SLC25A3: variants seen among roughly 807,000 people sequenced by gnomAD.
SLC25A3 encodes phosphate transport protein.
In SLC25A3, 14 loss-of-function variants were observed where a neutral mutation model predicts 37.1. The ratio of observed to expected loss-of-function variants is 0.38; its 90% CI spans 0.25 to 0.59. The LOEUF (loss-of-function observed/expected upper bound fraction) is 0.59. Among genes scored for constraint, SLC25A3 ranks in the 20% least tolerant of loss-of-function variants. The pLI is 0.67. For missense variants in SLC25A3, 385 were observed against 458.1 expected (o/e 0.84, Z 1.46); for synonymous variants, 161 against 168.7 (o/e 0.95, Z 0.36).
At chr12:98,594,185 C>T (rs878929387) in intron 2 of SLC25A3, 50 bp downstream of exon 2, 6 of 1,487,866 alleles carry the variant, frequency 4.0e-6, no homozygotes, top group South Asian at 2.3e-5. Context: ...TTGTGGGCCG[C>T]CCAGCCTTTG....
rs12315528 is a variant in SLC25A3 at position 98,598,127 on chromosome 12, T to C, written c.459+92T>C. On this transcript the variant is annotated intron_variant, in intron 4 of 7. Coordinates refer to ENST00000552981, the MANE Select transcript of SLC25A3 (RefSeq NM_002635.4). ...TGTCTGTCTTGCCTTATTTTAGCAC[T>C]GAAGAAAATGGTCCTACAAAGTGAG... 3,877 of 1,275,820 alleles carry C rather than the reference T, an allele frequency of 3.0e-3. 91 individuals carry two copies. The African/African-American group carries it at 0.051, about 17-fold the overall frequency. 79.0% of individuals were successfully genotyped at this position (1,275,820 alleles called of 1,614,324 possible).
At position 98,601,745 on chromosome 12, in the gene SLC25A3, A is replaced by G; in HGVS notation, c.*217A>G. 1.8e-6 allele frequency: 1 copy of G among 554,138 alleles called. No homozygotes were observed. The highest frequency in any genetic ancestry group is 2.1e-5 in the South Asian group (1 of 47,130). 34.3% of individuals were successfully genotyped at this position (554,138 alleles called of 1,614,324 possible). A position where few individuals can be genotyped will look rare whatever the true frequency, so the allele number is the denominator to read the frequency against. On this transcript the variant is annotated 3_prime_UTR_variant, in exon 8 of 8. Transcript: ENST00000552981. ...CTTATTTTTAAAACTTTTTTAAAAA[A>G]GATTTAGCTTTAAAATAGTTGGAAA...
chr12:98,598,395 T>C, intron 4 of SLC25A3, 127 bp from the exon 5 acceptor site: 3 of 1,416,206 alleles, frequency 2.1e-6, no homozygotes, highest in Non-Finnish European at 2.9e-6. Flanking sequence ...AGACCACATA[T>C]ATATTCCATA....
At chr12:98,596,414 TAA>T (rs1431899281) in intron 3 of SLC25A3, among the ~76,000 whole-genome samples, 1 of 152,190 alleles carries the variant, frequency 6.6e-6, no homozygotes, top group Admixed American at 6.5e-5. Context: ...TCTACTTACC[TAA>T]AAGAGAAATG....
chr12:98,598,469 T>G, intron 4 of SLC25A3, 53 bp from the exon 5 acceptor site: 1 of 1,611,698 alleles, frequency 6.2e-7, no homozygotes, highest in East Asian at 2.2e-5. Context: ...TCACTTCAAT[T>G]GAAAACCAAC....
At position 98,594,028 on chromosome 12, in the gene SLC25A3, C is replaced by T. The variant is rs1269046637; in HGVS notation, c.50C>T (p.Pro17Leu). The T allele has an allele frequency of 3.1e-6, 5 of 1,613,642 alleles. No homozygotes were observed. The Admixed American group carries it at 8.3e-5, about 27-fold the overall frequency. The change falls in exon 2 of 8, where the codon CCA becomes CTA. Residue 17 changes from proline (P) to leucine (L), a missense_variant. This residue lies in a region of SLC25A3 where 109 missense variants were observed against 90.5 expected (regional missense o/e 1.20). Coordinates refer to ENST00000552981, the MANE Select transcript of SLC25A3 (RefSeq NM_002635.4). ...GCGCGGGCGAACCCCTTCAACACGCCACATCTGCAGCTGGTGCACGATGGT... is the reference window on the plus strand; with the variant it reads ...GCGCGGGCGAACCCCTTCAACACGCTACATCTGCAGCTGGTGCACGATGGT... Reference protein sequence around the residue: ...HLARANPFNTPHLQLVHDGLG... With the variant: ...HLARANPFNTLHLQLVHDGLG...
intron 5 of SLC25A3, among the ~76,000 whole-genome samples, chr12:98,599,483 C>T (rs1405266474): frequency 6.6e-6 from 1 of 151,714 alleles, no homozygotes; most frequent in African/African-American, 2.4e-5. Flanking sequence ...GGTTTGAGCC[C>T]TGGACTGAGT....
Position 98,602,699 on chromosome 12 carries a change from A to G in SLC25A3, c.*1171A>G, listed in dbSNP as rs776702851. ...GTGTATAAAAGTTCAATCTTTTGTAATGACAGCCCACCACTGGAAAAAAAA... is the reference window on the plus strand; with the variant it reads ...GTGTATAAAAGTTCAATCTTTTGTAGTGACAGCCCACCACTGGAAAAAAAA... On this transcript the variant is annotated 3_prime_UTR_variant, in exon 8 of 8. Coordinates refer to ENST00000552981, the MANE Select transcript of SLC25A3 (RefSeq NM_002635.4). The G allele has an allele frequency of 6.6e-6, 1 of 152,228 alleles. No homozygotes were observed. The highest frequency in any genetic ancestry group is 1.5e-5 in the Non-Finnish European group (1 of 68,040). 9.4% of individuals were successfully genotyped at this position (152,228 alleles called of 1,614,324 possible). A position where few individuals can be genotyped will look rare whatever the true frequency, so the allele number is the denominator to read the frequency against.
chr12:98,602,088 C>T lies in SLC25A3; in HGVS notation c.*560C>T. The T allele has an allele frequency of 6.3e-6, 1 of 158,530 alleles. No individual in the cohort carries two copies. The highest frequency in any genetic ancestry group is 1.4e-5 in the Non-Finnish European group (1 of 72,374). 9.8% of individuals were successfully genotyped at this position (158,530 alleles called of 1,614,324 possible). A position where few individuals can be genotyped will look rare whatever the true frequency, so the allele number is the denominator to read the frequency against. ...CAAGGTAAACCAAATTAGGCTGATT[C>T]TTAGAATGACAGTAAAGGACCAAAG... On this transcript the variant is annotated 3_prime_UTR_variant, in exon 8 of 8. Coordinates refer to ENST00000552981, the MANE Select transcript of SLC25A3 (RefSeq NM_002635.4).
At position 98,601,287 on chromosome 12, in the gene SLC25A3, A is replaced by T. The variant is rs1175116806; in HGVS notation, c.925+6A>T. The T allele has an allele frequency of 3.1e-6, 5 of 1,614,018 alleles. No homozygotes were observed. Among genetic ancestry groups the T allele is most frequent in the Non-Finnish European group, 3.4e-6 (4 of 1,180,006 alleles). ...CAAGAGACTTGGATTTAAAGGTAGGATGATGTTTTTTTCTTGAAAGAAAGA... is the reference window on the plus strand; with the variant it reads ...CAAGAGACTTGGATTTAAAGGTAGGTTGATGTTTTTTTCTTGAAAGAAAGA... On this transcript the variant is annotated splice_donor_region_variant and intron_variant, in intron 7 of 7. Transcript: ENST00000552981.
chr12:98,595,181 C>T (rs994271989), intron 2 of SLC25A3: 35 of 493,214 alleles, frequency 7.1e-5, no homozygotes, highest in Non-Finnish European at 1.1e-4. Flanking sequence ...TTGTAAAAGC[C>T]GTTAATGTAG....
rs528512271 is a variant in SLC25A3 at position 98,598,937 on chromosome 12, A to G, written c.641+234A>G. Reference sequence around the variant, plus strand: ...ACTACAGGCGCCTGCCACTGCGCCCAGCTAATTTTTTGTATTTTTCAGTAT... The same window carrying G: ...ACTACAGGCGCCTGCCACTGCGCCCGGCTAATTTTTTGTATTTTTCAGTAT... On this transcript the variant is annotated intron_variant, in intron 5 of 7. Coordinates refer to ENST00000552981, the MANE Select transcript of SLC25A3 (RefSeq NM_002635.4). Among the ~76,000 whole-genome samples the G allele has an allele frequency of 0.014, 2,193 of 151,464 alleles. 32 individuals carry two copies. The highest frequency in any genetic ancestry group is 0.021 in the Non-Finnish European group (1,396 of 67,844).
intron 5 of SLC25A3, among the ~76,000 whole-genome samples, chr12:98,599,279 C>T (rs1341609441): frequency 2.6e-5 from 4 of 152,036 alleles, no homozygotes; most frequent in Non-Finnish European, 4.4e-5. Context: ...TCTCGAACTC[C>T]TGACCTCAGG....
chr12:98,595,761 T>C lies in SLC25A3; in HGVS notation c.192T>C (p.Tyr64=), dbSNP rs756600237. Residue 64 remains tyrosine, a synonymous_variant, in exon 3 of 8, where the codon TAT becomes TAC. Transcript: ENST00000552981. Reference sequence around the variant, plus strand: ...GTGAATTTGGCTCCGCGAAGTATTATGCACTGTGTGGCTTTGGTGGGGTCT... The same window carrying C: ...GTGAATTTGGCTCCGCGAAGTATTACGCACTGTGTGGCTTTGGTGGGGTCT... ...YSCEFGSAKY[Y]ALCGFGGVLS... The C allele has an allele frequency of 1.2e-6, 2 of 1,614,112 alleles. No homozygotes were observed. The highest frequency in any genetic ancestry group is 1.7e-6 in the Non-Finnish European group (2 of 1,180,020).
chr12:98,593,942 C>A, intron 1 of SLC25A3, 33 bp from the exon 2 acceptor site: 1 of 1,613,434 alleles, frequency 6.2e-7, no homozygotes, highest in South Asian at 1.1e-5. Context: ...GGCGCCTTGC[C>A]TGTCCTCTAA....
intron 3 of SLC25A3, among the ~76,000 whole-genome samples, chr12:98,597,358 C>T (rs1434269107): frequency 1.3e-5 from 2 of 151,650 alleles, no homozygotes; most frequent in Non-Finnish European, 2.9e-5. Context: ...GTCAGTTGAC[C>T]TTGGATAACT....
In SLC25A3 at chr12:98,599,955, A is replaced by T; in HGVS notation, c.642A>T (p.Ala214=). Reference sequence around the variant, plus strand: ...TAAAACAAGTCTCTTGATTTCCTAGATTCTACAAGGGGGTTGCTCCTCTCT... The same window carrying T: ...TAAAACAAGTCTCTTGATTTCCTAGTTTCTACAAGGGGGTTGCTCCTCTCT... ...PKMYKEEGLK[A]FYKGVAPLWM... The change falls in exon 6 of 8, where the codon GCA becomes GCT. Residue 214 remains alanine (A), a splice_region_variant and synonymous_variant. Coordinates refer to ENST00000552981, the MANE Select transcript of SLC25A3 (RefSeq NM_002635.4). 1 of 1,613,874 alleles carries T rather than the reference A, an allele frequency of 6.2e-7. No individual in the cohort carries two copies. The highest frequency in any genetic ancestry group is 8.5e-7 in the Non-Finnish European group (1 of 1,179,790).
At position 98,595,391 on chromosome 12, in the gene SLC25A3, T is replaced by C. The variant is rs2153283380; in HGVS notation, c.158-336T>C. 6 of 1,609,190 alleles carry C rather than the reference T, an allele frequency of 3.7e-6. No homozygotes were observed. In the East Asian group the frequency reaches 1.3e-4, roughly 36 times the overall value. ...TCATTCCAGTGGCCTTAGTCATCTC[T>C]GAAGAAATACTTACTTGATTTTTTT... On this transcript the variant is annotated intron_variant, in intron 2 of 7. Coordinates refer to ENST00000552981, the MANE Select transcript of SLC25A3 (RefSeq NM_002635.4).
chr12:98,593,695 C>A lies in SLC25A3; in HGVS notation c.-50C>A. The A allele has an allele frequency of 1.9e-6, 1 of 527,522 alleles. No homozygotes were observed. The highest frequency in any genetic ancestry group is 2.1e-5 in the South Asian group (1 of 48,534). The allele number at this position is 527,522 out of a possible 1,614,324, so 32.7% of individuals were successfully genotyped here. ...CCGGAGGACGTCCGGCCTCTGTGAG[C>A]CGCAACCTTTCCAAGGGAGTGGTTG... On this transcript the variant is annotated 5_prime_UTR_variant, in exon 1 of 8. Transcript: ENST00000552981.
Sources: gnomAD v4.1 joint callset for allele counts (sites outside exome capture counted in the v4.1 genomes callset) on GRCh38, gnomAD v4.1.1 for gene constraint, gnomAD v4.1.1 regional missense constraint, MANE v1.5 for transcripts, NCBI Gene and HGNC (gene_info 2026-07-23, HGNC 2026-07-21) for gene names.